The following MACF1 variants were observed in gnomAD, a reference collection of about 807,000 sequenced individuals.
MACF1 encodes the protein microtubule-actin cross-linking factor 1.
A neutral mutation model predicts 854.8 loss-of-function variants in MACF1; 193 were observed. That is an observed-to-expected ratio of 0.23 (90% confidence interval 0.20 to 0.25). The LOEUF is 0.25. Among genes scored for constraint, MACF1 ranks in the 10% least tolerant of loss-of-function variants. MACF1 has a pLI of 1.00. For synonymous variants in MACF1, 3,185 were observed against 3,226.7 expected (o/e 0.99, Z 0.44); for missense variants, 7,722 against 8,929.1 (o/e 0.86, Z 5.45).
intron 2 of MACF1, among the ~76,000 whole-genome samples, chr1:39,098,058 C>T (rs1641979248): frequency 6.6e-6 from 1 of 152,224 alleles, no homozygotes; most frequent in African/African-American, 2.4e-5. Flanking sequence ...AGAGGATCCA[C>T]ACAGGGTAAG....
Position 39,333,565 on chromosome 1 carries a change from T to C in MACF1, c.6977T>C (p.Met2326Thr). The change falls in exon 37 of 101, where the codon ATG becomes ACG. Residue 2326 changes from methionine to threonine, a missense_variant. Physicochemically the swap from Met to Thr is moderately conservative, Grantham distance 81. This residue lies in a region of MACF1 where 1,531 missense variants were observed against 1,601.6 expected (regional missense o/e 0.96). Coordinates refer to ENST00000564288, the MANE Select transcript of MACF1 (RefSeq NM_001394062.1). Reference protein sequence around the residue: ...IVPSHTAVKLMEKLNMFQGFF... With the variant: ...IVPSHTAVKLTEKLNMFQGFF... ...CCAAGTCACACTGCCGTGAAGCTTA[T>C]GGAGAAGCTGAACATGTTTCAGGGG... is the stretch of plus-strand genomic sequence containing the variant. 1 of 1,614,204 alleles carries C rather than the reference T, an allele frequency of 6.2e-7. No individual in the cohort carries two copies. The highest frequency in any genetic ancestry group is 8.5e-7 in the Non-Finnish European group (1 of 1,180,018).
intron 52 of MACF1, among the ~76,000 whole-genome samples, chr1:39,375,846 T>A (rs992525999): frequency 4.6e-5 from 7 of 152,206 alleles, no homozygotes; most frequent in African/African-American, 1.7e-4. Context: ...AGACTGACAT[T>A]GAGGACAAAA....
At position 39,414,276 on chromosome 1, in the gene MACF1, G is replaced by C. The variant is rs370308840; in HGVS notation, c.15817-8098G>C. The C allele has an allele frequency of 1.9e-6, 3 of 1,614,052 alleles. No individual in the cohort carries two copies. The South Asian group carries it at 3.3e-5, about 18-fold the overall frequency. On this transcript the variant is annotated intron_variant, in intron 58 of 100. Transcript: ENST00000564288. ...TGGAGGAAGTTTCCCCCATTGGTGT[G>C]CCCTTCCTGGGAGTTTCTGCCCACA...
rs1165849981 is a variant in MACF1 at position 39,378,364 on chromosome 1, C to G, written c.13214-97C>G. 1.2e-5 allele frequency: 10 copies of G among 809,314 alleles called. No homozygotes were observed. The Admixed American group carries it at 1.5e-4, about 12-fold the overall frequency. 50.1% of individuals were successfully genotyped at this position (809,314 alleles called of 1,614,324 possible). On this transcript the variant is annotated intron_variant, in intron 52 of 100. Transcript: ENST00000564288. Reference sequence around the variant, plus strand: ...TTGTGCTGTGTTAACTTCCTGATACCTAAGCTTAAAGTGAGGGCCAAAGGA... The same window carrying G: ...TTGTGCTGTGTTAACTTCCTGATACGTAAGCTTAAAGTGAGGGCCAAAGGA...
intron 2 of MACF1, among the ~76,000 whole-genome samples, chr1:39,137,806 G>A (rs1204666559): frequency 2.0e-5 from 3 of 152,116 alleles, no homozygotes; most frequent in East Asian, 3.8e-4. Flanking sequence ...AGGCGTGGTG[G>A]GTCATGCCTG....
chr1:39,225,495 C>T (rs558279493), intron 1 of MACF1, among the ~76,000 whole-genome samples: 3 of 152,216 alleles, frequency 2.0e-5, no homozygotes, highest in East Asian at 3.9e-4. Context: ...GGATTACAGG[C>T]GTGAGCCACC....
intron 2 of MACF1, among the ~76,000 whole-genome samples, chr1:39,110,230 CTTTTTTTT>C (rs5773651): frequency 3.5e-5 from 3 of 84,566 alleles, no homozygotes; most frequent in Admixed American, 3.3e-4. Flanking sequence ...GGATGTTGTT[CTTTTTTTT>C]TTTTTTTTTT....
intron 70 of MACF1, 58 bp downstream of exon 70, chr1:39,435,819 C>G: frequency 6.7e-7 from 1 of 1,492,858 alleles, no homozygotes; most frequent in Non-Finnish European, 9.3e-7. Flanking sequence ...AACAAGAGGT[C>G]TCTGTATCAG....
intron 42 of MACF1, among the ~76,000 whole-genome samples, chr1:39,350,303 T>C (rs1247148185): frequency 1.3e-5 from 2 of 152,140 alleles, no homozygotes; most frequent in African/African-American, 2.4e-5. Flanking sequence ...GAGCACAACA[T>C]ATTCAAGAAC....
intron 74 of MACF1, 141 bp from the exon 75 acceptor site, chr1:39,441,811 T>C (rs952426144): frequency 6.1e-6 from 4 of 655,886 alleles, no homozygotes; most frequent in Non-Finnish European, 8.1e-6. Flanking sequence ...CATTATTCTT[T>C]ATCTGTGCCC....
rs1217615667 is a variant in MACF1, at chr1:39,332,201, G to A, written c.5613G>A (p.Val1871=). 2.8e-5 allele frequency: 45 copies of A among 1,613,886 alleles called. No individual in the cohort carries two copies. Among genetic ancestry groups the A allele is most frequent in the Non-Finnish European group, 3.8e-5 (45 of 1,180,024 alleles). Residue 1871 remains valine, a synonymous_variant, in exon 37 of 101, where the codon GTG becomes GTA. Coordinates refer to ENST00000564288, the MANE Select transcript of MACF1 (RefSeq NM_001394062.1). ...PITDALEQGI[V]STELAHKILS... ...CAGATGCCCTAGAACAAGGTATTGT[G>A]TCTACTGAACTAGCACATAAAATCC...
chr1:39,423,939 C>T (rs1020076452), intron 60 of MACF1, 89 bp from the exon 61 acceptor site: 8 of 1,144,012 alleles, frequency 7.0e-6, no homozygotes, highest in South Asian at 1.6e-5. Flanking sequence ...TAGGATTTGG[C>T]GGGTTGGTTT....
chr1:39,168,973 C>T (rs1319317796), intron 2 of MACF1, among the ~76,000 whole-genome samples: 2 of 152,164 alleles, frequency 1.3e-5, no homozygotes, highest in Non-Finnish European at 2.9e-5. Context: ...CTTTTCTATC[C>T]TAGTCCCCAT....
intron 80 of MACF1, among the ~76,000 whole-genome samples, chr1:39,446,516 G>T: frequency 6.7e-6 from 1 of 149,670 alleles, no homozygotes; most frequent in East Asian, 1.9e-4. Flanking sequence ...GGTGGGGGGT[G>T]GTTACAAAAA....
chr1:39,332,895 T>A lies in MACF1; in HGVS notation c.6307T>A (p.Leu2103Ile). Reference sequence around the variant, plus strand: ...TTTGAAGGTAATAAATAAAGTCAAATTAGAGGTACAAAGGCAGTTGATAGG... The same window carrying A: ...TTTGAAGGTAATAAATAAAGTCAAAATAGAGGTACAAAGGCAGTTGATAGG... Reference protein sequence around the residue: ...DALKVINKVKLEVQRQLIGTQ... With the variant: ...DALKVINKVKIEVQRQLIGTQ... Residue 2103 changes from leucine to isoleucine, a missense_variant, in exon 37 of 101, where the codon TTA becomes ATA. Around this residue, in one of 15 missense-constraint regions of MACF1, gnomAD observed 1,531 missense variants for 1,601.6 expected, o/e 0.96. Transcript: ENST00000564288. 6.2e-7 allele frequency: 1 copy of A among 1,614,032 alleles called. No individual in the cohort carries two copies. The highest frequency in any genetic ancestry group is 8.5e-7 in the Non-Finnish European group (1 of 1,180,006).
chr1:39,459,373 C>T, intron 91 of MACF1, 124 bp downstream of exon 91: 1 of 1,033,930 alleles, frequency 9.7e-7, no homozygotes, highest in African/African-American at 1.6e-5. Context: ...TAGAAACAGA[C>T]CTATACCAAG....
intron 93 of MACF1, among the ~76,000 whole-genome samples, chr1:39,462,590 T>C (rs894500665): frequency 6.6e-5 from 10 of 151,454 alleles, no homozygotes; most frequent in Non-Finnish European, 1.5e-4. Context: ...TGGCAAGTGC[T>C]TGTAGCCCCA....
intron 58 of MACF1, chr1:39,414,416 C>CATTTGCTA: frequency 6.2e-7 from 1 of 1,613,990 alleles, no homozygotes; most frequent in Non-Finnish European, 8.5e-7. Flanking sequence ...AAAGAGGTGA[C>CATTTGCTA]CAGCACAGTG....
At chr1:39,269,380 G>A in intron 6 of MACF1, 1 of 1,289,878 alleles carries the variant, frequency 7.8e-7, no homozygotes. Flanking sequence ...GGAACCAAGA[G>A]TGTTTCAGGT....
Sources: allele counts gnomAD v4.1 joint callset (sites outside exome capture counted in the v4.1 genomes callset), GRCh38; gene constraint gnomAD v4.1.1; regional missense constraint gnomAD v4.1.1; transcripts MANE v1.5; gene names NCBI Gene and HGNC (gene_info 2026-07-23, HGNC 2026-07-21).